CRACDL: variants seen among roughly 807,000 people sequenced by gnomAD.
CRACDL encodes CRACD-like protein.
In CRACDL, 26 loss-of-function variants were observed where a neutral mutation model predicts 70.6. That is an observed-to-expected ratio of 0.37 (90% CI 0.27 to 0.51). CRACDL has a LOEUF of 0.51. Ranked by LOEUF, CRACDL falls within the 20% of genes least tolerant of loss-of-function variation. CRACDL has a pLI of 0.94. For missense variants in CRACDL, 1,283 were observed against 1,376.9 expected (o/e 0.93, Z 1.08); for synonymous variants, 618 against 615.2 (o/e 1.00, Z -0.07).
rs764762422 is a variant in CRACDL at position 98,838,113 on chromosome 2, A to G, written c.239+6T>C. ...CCTGGCCCGAGGGATGTAAAATGCA[A>G]CTTACTCCAGCTCATCCTCGGAGTC... On this transcript the variant is annotated splice_donor_region_variant and intron_variant, in intron 3 of 9. Transcript: ENST00000397899. The G allele has an allele frequency of 2.5e-6, 4 of 1,596,874 alleles. No individual in the cohort carries two copies.
At chr2:98,821,068 G>A (rs1340284063) in intron 7 of CRACDL, among the ~76,000 whole-genome samples, 1 of 152,228 alleles carries the variant, frequency 6.6e-6, no homozygotes, top group African/African-American at 2.4e-5. Context: ...GATTCGCTGA[G>A]AGTCCTATCA....
At chr2:98,871,965 T>A (rs1169974248) in intron 1 of CRACDL, among the ~76,000 whole-genome samples, 1 of 152,208 alleles carries the variant, frequency 6.6e-6, no homozygotes, top group Non-Finnish European at 1.5e-5. Context: ...GTGGTGCATG[T>A]ACACCACGGA....
At chr2:98,865,798 C>CTTTT (rs1157009185) in intron 1 of CRACDL, among the ~76,000 whole-genome samples, 2 of 134,438 alleles carry the variant, frequency 1.5e-5, no homozygotes, top group African/African-American at 2.8e-5. Context: ...GGACTTTCTG[C>CTTTT]TTTTTTTTTT....
At chr2:98,906,220 C>G (rs979199160) in intron 1 of CRACDL, among the ~76,000 whole-genome samples, 5 of 150,576 alleles carry the variant, frequency 3.3e-5, no homozygotes, top group Non-Finnish European at 5.9e-5. Context: ...CCAAACTGCT[C>G]TTAGATCCAT....
At chr2:98,806,247 C>A (rs1036978632) in intron 7 of CRACDL, among the ~76,000 whole-genome samples, 3 of 152,228 alleles carry the variant, frequency 2.0e-5, no homozygotes, top group African/African-American at 7.2e-5. Context: ...CTTTGGGGAT[C>A]TATTGCTCAC....
At chr2:98,825,118 A>C (rs1705247762) in intron 6 of CRACDL, among the ~76,000 whole-genome samples, 1 of 152,224 alleles carries the variant, frequency 6.6e-6, no homozygotes, top group Non-Finnish European at 1.5e-5. Flanking sequence ...GAAGGTCCTT[A>C]TGGTTGGGAA....
At chr2:98,869,723 C>T (rs903827166) in intron 1 of CRACDL, among the ~76,000 whole-genome samples, 3 of 152,220 alleles carry the variant, frequency 2.0e-5, no homozygotes, top group Non-Finnish European at 2.9e-5. Context: ...TATCTCAGTG[C>T]GAGGGACCCT....
At chr2:98,883,274 C>T (rs184772585) in intron 1 of CRACDL, among the ~76,000 whole-genome samples, 18 of 152,304 alleles carry the variant, frequency 1.2e-4, no homozygotes, top group Non-Finnish European at 2.5e-4. Context: ...AGGCTCCATG[C>T]CAACCCAGGG....
rs548845606 is a variant in CRACDL, at chr2:98,883,560, G to A, written c.-10-36750C>T. 9.2e-5 allele frequency among the ~76,000 whole-genome samples: 14 copies of A among 152,296 alleles called. No homozygotes were observed. The South Asian group carries it at 2.5e-3, about 27-fold the overall frequency. On this transcript the variant is annotated intron_variant, in intron 1 of 9. Coordinates refer to ENST00000397899, the MANE Select transcript of CRACDL (RefSeq NM_207362.3). ...GGAGTCATGTACGTATCAGGTGCTC[G>A]GCAAGGGGCAGCAGCATATTGCTCC...
chr2:98,858,492 G>A (rs1214222931), intron 1 of CRACDL, among the ~76,000 whole-genome samples: 7 of 144,820 alleles, frequency 4.8e-5, no homozygotes, highest in Non-Finnish European at 9.0e-5. Context: ...TCCAGCCTGG[G>A]TGACAGAGTG....
intron 1 of CRACDL, among the ~76,000 whole-genome samples, chr2:98,922,623 C>A (rs1250422759): frequency 1.3e-5 from 2 of 152,158 alleles, no homozygotes; most frequent in African/African-American, 4.8e-5. Context: ...AGCTCAAGCA[C>A]AAGCTGCCTA....
At chr2:98,827,228 G>C in intron 5 of CRACDL, 59 bp from the exon 6 acceptor site, 1 of 1,220,166 alleles carries the variant, frequency 8.2e-7, no homozygotes, top group Non-Finnish European at 1.2e-6. Flanking sequence ...AAATAAGGAC[G>C]ACCAACGCAA....
In CRACDL at chr2:98,838,290, A is replaced by G; in HGVS notation, c.71-3T>C. 2 of 1,534,232 alleles carry G rather than the reference A, an allele frequency of 1.3e-6. No individual in the cohort carries two copies. Among genetic ancestry groups the G allele is most frequent in the Non-Finnish European group, 8.9e-7 (1 of 1,120,582 alleles). On this transcript the variant is annotated splice_region_variant and splice_polypyrimidine_tract_variant and intron_variant, in intron 2 of 9. Coordinates refer to ENST00000397899, the MANE Select transcript of CRACDL (RefSeq NM_207362.3). ...TTTGAATTTAGATTTTTTCTTTCCT[A>G]TACAGATTAGAGAAAAAAATAATAA...
chr2:98,817,266 G>A (rs755512025), intron 7 of CRACDL, among the ~76,000 whole-genome samples: 1 of 152,096 alleles, frequency 6.6e-6, no homozygotes, highest in African/African-American at 2.4e-5. Flanking sequence ...AGAAGAGTAC[G>A]TTCTAGAGAT....
intron 7 of CRACDL, among the ~76,000 whole-genome samples, chr2:98,812,316 G>A (rs777797730): frequency 3.3e-5 from 5 of 152,142 alleles, no homozygotes; most frequent in African/African-American, 7.2e-5. Context: ...AGACATGAAC[G>A]TATGACTTTT....
At chr2:98,896,570 A>G (rs943616449) in intron 1 of CRACDL, among the ~76,000 whole-genome samples, 2 of 152,160 alleles carry the variant, frequency 1.3e-5, no homozygotes, top group African/African-American at 2.4e-5. Flanking sequence ...ACCTTCAGGG[A>G]GTCCTGACAG....
rs1181969802 is a variant in CRACDL, at chr2:98,795,077, AT to A, written c.2750-407del. On this transcript the variant is annotated intron_variant, in intron 9 of 9. Transcript: ENST00000397899. ...TATATATATATATATATATATATAT[AT>A]TTTTTTTTTTTTTTGAGACAGAAGT... Among the ~76,000 whole-genome samples, 502 of 58,466 alleles carry A rather than the reference AT, an allele frequency of 8.6e-3. 49 individuals carry two copies. The highest frequency in any genetic ancestry group is 0.024 in the African/African-American group (355 of 15,088). The allele number at this position is 58,466 out of a possible 152,430, so 38.4% of individuals were successfully genotyped here.
At chr2:98,858,021 G>A (rs1706776258) in intron 1 of CRACDL, among the ~76,000 whole-genome samples, 1 of 152,084 alleles carries the variant, frequency 6.6e-6, no homozygotes. Context: ...AAAGAATTTT[G>A]GGAAGTTCAT....
chr2:98,803,159 T>A (rs60623587), intron 7 of CRACDL, among the ~76,000 whole-genome samples: 3,130 of 151,768 alleles, frequency 0.021, 63 homozygotes, highest in East Asian at 0.093. Flanking sequence ...ACCACCACGC[T>A]CAGCTAATTT....
Sources: gnomAD v4.1 joint callset for allele counts (sites outside exome capture counted in the v4.1 genomes callset) on GRCh38, gnomAD v4.1.1 for gene constraint, MANE v1.5 for transcripts, NCBI Gene and HGNC (gene_info 2026-07-23, HGNC 2026-07-21) for gene names.